The following NRDE2 variants were observed in gnomAD, a reference collection of about 807,000 sequenced individuals.
NRDE2 encodes the protein nuclear exosome regulator NRDE2.
A neutral mutation model predicts 124.2 loss-of-function variants in NRDE2; 76 were observed. The ratio of observed to expected loss-of-function variants is 0.61; its 90% CI spans 0.51 to 0.74. The LOEUF is 0.74. NRDE2 is among the 30% of genes least tolerant of loss of function. The pLI is 0.00. For missense variants in NRDE2, 1,314 were observed against 1,417.3 expected, an observed-to-expected ratio of 0.93 and a Z score of 1.17; for synonymous variants, 489 against 528.1, an observed-to-expected ratio of 0.93 and a Z score of 1.01.
Position 90,268,538 on chromosome 14 carries a change from T to C in NRDE2, c.*9798A>G. The C allele has an allele frequency of 1.1e-6, 1 of 903,648 alleles. No individual in the cohort carries two copies. The highest frequency in any genetic ancestry group is 1.7e-6 in the Non-Finnish European group (1 of 577,598). 56.0% of individuals were successfully genotyped at this position (903,648 alleles called of 1,614,324 possible). ...AGTTCTTGCTGTGCGTGGCCTTCCA[T>C]GCATGCTTTAGGCTCTGCTCTCCCA... On this transcript the variant is annotated 3_prime_UTR_variant, in exon 14 of 14. Coordinates refer to ENST00000354366, the MANE Select transcript of NRDE2 (RefSeq NM_017970.4).
chr14:90,321,628 G>C (rs1451774694), intron 1 of NRDE2, among the ~76,000 whole-genome samples: 1 of 151,560 alleles, frequency 6.6e-6, no homozygotes, highest in African/African-American at 2.4e-5. Flanking sequence ...TGGATCCTCT[G>C]TGACCTTCAT....
At chr14:90,295,605 T>G (rs10140956) in intron 8 of NRDE2, among the ~76,000 whole-genome samples, 4,229 of 152,254 alleles carry the variant, frequency 0.028, 204 homozygotes, top group African/African-American at 0.096. Flanking sequence ...CACACATTCA[T>G]GTATAACAAC....
Position 90,288,634 on chromosome 14 carries a change from T to TG in NRDE2, c.2740dup (p.Gln914ProfsTer8). On this transcript the variant is annotated frameshift_variant, in exon 11 of 14. Transcript: ENST00000354366. LOFTEE classifies it high-confidence loss of function. ...AGCATCAATCCCTATGGTCAAATAC[T>TG]GGAAGAGCATGAAGCATTTAGCCAG... is the stretch of plus-strand genomic sequence containing the variant. The TG allele has an allele frequency of 5.6e-6, 9 of 1,614,144 alleles. No individual in the cohort carries two copies. The highest frequency in any genetic ancestry group is 7.6e-6 in the Non-Finnish European group (9 of 1,180,048).
At chr14:90,311,728 G>C (rs989337481) in intron 4 of NRDE2, among the ~76,000 whole-genome samples, 1 of 151,790 alleles carries the variant, frequency 6.6e-6, no homozygotes, top group African/African-American at 2.4e-5. Flanking sequence ...GAACTGTCTT[G>C]GGCCACACAT....
rs1884448926 is a variant in NRDE2 at position 90,302,707 on chromosome 14, G to A, written c.1411+13C>T. On this transcript the variant is annotated intron_variant, in intron 6 of 13. Transcript: ENST00000354366. ...AACTCCTCCCACGTAACTGGATCTG[G>A]TTATCTCCTTACCAAACATGGCCTC... 6 of 1,583,826 alleles carry A rather than the reference G, an allele frequency of 3.8e-6. No individual in the cohort carries two copies. Among genetic ancestry groups the A allele is most frequent in the Non-Finnish European group, 5.2e-6 (6 of 1,164,730 alleles).
At chr14:90,309,456 G>A (rs544803492) in intron 4 of NRDE2, among the ~76,000 whole-genome samples, 4 of 123,974 alleles carry the variant, frequency 3.2e-5, no homozygotes, top group Non-Finnish European at 6.5e-5. Flanking sequence ...CTGGGCGACA[G>A]AGCAAGACTC....
Position 90,272,167 on chromosome 14 carries a change from T to G in NRDE2, c.*6169A>C, listed in dbSNP as rs752575477. On this transcript the variant is annotated 3_prime_UTR_variant, in exon 14 of 14. Transcript: ENST00000354366. The surrounding 1 kb of genome is among the most constrained non-coding windows in gnomAD (Gnocchi z 4.5). ...CCTCGGCCTCCCAGAGTGCTGGGATTACAGGTGTGAGCCACCGCGCCTGGC... is the reference window on the plus strand; with the variant it reads ...CCTCGGCCTCCCAGAGTGCTGGGATGACAGGTGTGAGCCACCGCGCCTGGC... 4.6e-6 allele frequency: 6 copies of G among 1,298,596 alleles called. No homozygotes were observed. Among genetic ancestry groups the G allele is most frequent in the Non-Finnish European group, 6.4e-6 (6 of 939,592 alleles). 80.4% of individuals were successfully genotyped at this position (1,298,596 alleles called of 1,614,324 possible). A position where few individuals can be genotyped will look rare whatever the true frequency, so the allele number is the denominator to read the frequency against.
chr14:90,278,519 G>A, intron 13 of NRDE2, 58 bp from the exon 14 acceptor site: 2 of 1,601,426 alleles, frequency 1.2e-6, no homozygotes, highest in Non-Finnish European at 1.7e-6. Context: ...CAGCCTGGAG[G>A]AGCTCAGGAA....
intron 11 of NRDE2, among the ~76,000 whole-genome samples, chr14:90,286,703 T>C (rs7144070): frequency 0.58 from 88,167 of 152,078 alleles, 25,881 homozygotes; most frequent in Middle Eastern, 0.73. Flanking sequence ...CCACACCACA[T>C]CGAATCTGTC....
chr14:90,268,191 C>CTTTTTTTTT lies in NRDE2; in HGVS notation c.*10136_*10144dup. On this transcript the variant is annotated 3_prime_UTR_variant, in exon 14 of 14. Coordinates refer to ENST00000354366, the MANE Select transcript of NRDE2 (RefSeq NM_017970.4). ...TAAGTTAAAATGGCACTTAAGGTGT[C>CTTTTTTTTT]TTTTTTTTTTTTATCTTTTTCATCC... 7.7e-7 allele frequency: 1 copy of CTTTTTTTTT among 1,303,802 alleles called. No homozygotes were observed. The highest frequency in any genetic ancestry group is 2.8e-4 in the Middle Eastern group (1 of 3,558). The allele number at this position is 1,303,802 out of a possible 1,614,324, so 80.8% of individuals were successfully genotyped here. A position where few individuals can be genotyped will look rare whatever the true frequency, so the allele number is the denominator to read the frequency against.
At position 90,270,142 on chromosome 14, in the gene NRDE2, A is replaced by G. The variant is rs1056753188; in HGVS notation, c.*8194T>C. On this transcript the variant is annotated 3_prime_UTR_variant, in exon 14 of 14. Coordinates refer to ENST00000354366, the MANE Select transcript of NRDE2 (RefSeq NM_017970.4). Reference sequence around the variant, plus strand: ...GGAGATGGGCTGAGGCCTCTGAGCCATGGCCGAGCCTGGGTTTGGATGTTG... The same window carrying G: ...GGAGATGGGCTGAGGCCTCTGAGCCGTGGCCGAGCCTGGGTTTGGATGTTG... The G allele has an allele frequency of 4.0e-5, 63 of 1,591,000 alleles. No homozygotes were observed. The Admixed American group carries it at 1.0e-3, about 27-fold the overall frequency.
chr14:90,292,622 A>G, intron 9 of NRDE2, 75 bp downstream of exon 9: 1 of 1,511,136 alleles, frequency 6.6e-7, no homozygotes, highest in South Asian at 1.2e-5. Context: ...CCTTTCAGAT[A>G]ACCAAAGCGC....
At chr14:90,296,589 T>G (rs556458123) in intron 8 of NRDE2, among the ~76,000 whole-genome samples, 1 of 152,280 alleles carries the variant, frequency 6.6e-6, no homozygotes, top group East Asian at 1.9e-4. Context: ...ATCCAAAGTT[T>G]TCATGGTGCA....
chr14:90,278,567 G>T, intron 13 of NRDE2, 106 bp from the exon 14 acceptor site: 1 of 1,360,620 alleles, frequency 7.3e-7, no homozygotes, highest in Non-Finnish European at 1.0e-6. Context: ...CCCTCCTGTC[G>T]CCCTCCACGG....
chr14:90,286,456 C>G lies in NRDE2; in HGVS notation c.3195G>C (p.Glu1065Asp), dbSNP rs567915458. 27 of 1,614,132 alleles carry G rather than the reference C, an allele frequency of 1.7e-5. No homozygotes were observed. In the Admixed American group the frequency reaches 2.7e-4, roughly 16 times the overall value. ...CTTGGATCCGATGCATTAAGCCGGT[C>G]TCAGGAATTGTGGCGTGGATCTCTC... Reference protein sequence around the residue: ...DGREIHATIPETGLMHRIQAL... With the variant: ...DGREIHATIPDTGLMHRIQAL... Residue 1065 changes from glutamate to aspartate, a missense_variant, in exon 12 of 14, where the codon GAG (glutamate) becomes GAC (aspartate). Glu to Asp is a conservative substitution (Grantham distance 45, BLOSUM62 2). Coordinates refer to ENST00000354366, the MANE Select transcript of NRDE2 (RefSeq NM_017970.4).
At chr14:90,287,492 G>T (rs181452820) in intron 11 of NRDE2, among the ~76,000 whole-genome samples, 8 of 152,180 alleles carry the variant, frequency 5.3e-5, no homozygotes, top group Admixed American at 4.6e-4. Context: ...AGGCGTGGTG[G>T]TGCCTGTAGT....
rs778845537 is a variant in NRDE2 at position 90,288,854 on chromosome 14, C to A, written c.2521G>T (p.Ala841Ser). 1 of 1,614,054 alleles carries A rather than the reference C, an allele frequency of 6.2e-7. No homozygotes were observed. Among genetic ancestry groups the A allele is most frequent in the Admixed American group, 1.7e-5 (1 of 60,028 alleles). Residue 841 changes from alanine (A) to serine (S), a missense_variant, in exon 11 of 14, where the codon GCT (alanine) becomes TCT (serine). Ala to Ser is a moderately conservative substitution (Grantham distance 99). Transcript: ENST00000354366. ...EVELSPEVRR[A>S]ATARAVHILT... ...ATGTGAACAGCTCGAGCTGTGGCAG[C>A]CCTTCTCACTTCTGGCGACAGCTCC...
At chr14:90,319,519 C>A (rs1200076938) in intron 1 of NRDE2, among the ~76,000 whole-genome samples, 1 of 152,172 alleles carries the variant, frequency 6.6e-6, no homozygotes, top group Admixed American at 6.5e-5. Context: ...CACCTCACCC[C>A]TAGCCAAACA....
chr14:90,304,221 C>T lies in NRDE2; in HGVS notation c.719G>A (p.Ser240Asn). ...GLMNIDGVAI[S>N]SKTEPPSSEP... ...AGATGAGGGAGGTTCAGTTTTACTG[C>T]TAATGGCAACTCCATCGATGTTCAT... The change falls in exon 5 of 14, where the codon AGC (serine) becomes AAC (asparagine). Residue 240 changes from serine (S) to asparagine (N), a missense_variant. Physicochemically the swap from Ser to Asn is conservative, Grantham distance 46. Coordinates refer to ENST00000354366, the MANE Select transcript of NRDE2 (RefSeq NM_017970.4). 6.2e-7 allele frequency: 1 copy of T among 1,614,158 alleles called. No individual in the cohort carries two copies. The highest frequency in any genetic ancestry group is 1.1e-5 in the South Asian group (1 of 91,078).
Sources: gnomAD v4.1 joint callset for allele counts (sites outside exome capture counted in the v4.1 genomes callset) on GRCh38, gnomAD v4.1.1 for gene constraint, Gnocchi (gnomAD v3.1) non-coding constraint, MANE v1.5 for transcripts, NCBI Gene and HGNC (gene_info 2026-07-23, HGNC 2026-07-21) for gene names.